ZBTB38: variants seen among roughly 807,000 people sequenced by gnomAD.
ZBTB38 encodes the protein zinc finger and BTB domain-containing protein 38.
A neutral mutation model predicts 76.8 loss-of-function variants in ZBTB38; 20 were observed. That is an observed-to-expected ratio of 0.26 (90% CI 0.18 to 0.38). The LOEUF (loss-of-function observed/expected upper bound fraction) is 0.38, where lower values mean the gene tolerates loss of function less well. Ranked by LOEUF, ZBTB38 falls within the 10% of genes least tolerant of loss-of-function variation. The pLI is 1.00. For synonymous variants in ZBTB38, 504 were observed against 544.2 expected (o/e 0.93, Z 1.03); for missense variants, 1,082 against 1,482.3 (o/e 0.73, Z 4.43).
chr3:141,410,437 T>C (rs1441488502), intron 5 of ZBTB38, among the ~76,000 whole-genome samples: 1 of 152,236 alleles, frequency 6.6e-6, no homozygotes, highest in Non-Finnish European at 1.5e-5. Context: ...GTCTTAGGAC[T>C]TGCTCAAGGC....
intron 3 of ZBTB38, chr3:141,386,316 G>A (rs963860892): frequency 1.3e-5 from 2 of 152,170 alleles, no homozygotes; most frequent in African/African-American, 4.8e-5. Flanking sequence ...CTGCTTCCAA[G>A]TTTTAAAAAA....
chr3:141,341,612 G>A (rs1225193335), intron 1 of ZBTB38, among the ~76,000 whole-genome samples: 3 of 152,232 alleles, frequency 2.0e-5, no homozygotes, highest in African/African-American at 7.2e-5. Context: ...GCAAAGGAAG[G>A]TCTGTGAAGA....
intron 5 of ZBTB38, among the ~76,000 whole-genome samples, chr3:141,419,613 G>A (rs1237584445): frequency 2.0e-5 from 3 of 152,148 alleles, no homozygotes; most frequent in African/African-American, 7.2e-5. Flanking sequence ...CTGAGCCTTG[G>A]TGTCCCATCT....
chr3:141,356,720 T>G (rs1559918797), intron 1 of ZBTB38, among the ~76,000 whole-genome samples: 1 of 151,816 alleles, frequency 6.6e-6, no homozygotes, highest in Non-Finnish European at 1.5e-5. Flanking sequence ...TATGGGCAAT[T>G]CTTAAATTCT....
rs1302598065 is a variant in ZBTB38 at position 141,447,647 on chromosome 3, A to G, written c.*1671A>G. ...ATTGGATTTGACAGATGGAAACCCA[A>G]GGTTATCGAAGATTGGAAGGTTATC... On this transcript the variant is annotated 3_prime_UTR_variant, in exon 6 of 6. Coordinates refer to ENST00000321464, the MANE Select transcript of ZBTB38 (RefSeq NM_001376113.1). The G allele has an allele frequency of 2.6e-5, 4 of 152,256 alleles. No homozygotes were observed. In the East Asian group the frequency reaches 7.7e-4, roughly 29 times the overall value. The allele number at this position is 152,256 out of a possible 1,614,324, so 9.4% of individuals were successfully genotyped here.
At chr3:141,328,936 C>T (rs1310173422) in intron 1 of ZBTB38, among the ~76,000 whole-genome samples, 1 of 152,222 alleles carries the variant, frequency 6.6e-6, no homozygotes, top group Admixed American at 6.5e-5. Context: ...TGGGAGCATT[C>T]CCTGAGCCCT....
chr3:141,410,897 C>A (rs1325577636), intron 5 of ZBTB38, among the ~76,000 whole-genome samples: 1 of 152,132 alleles, frequency 6.6e-6, no homozygotes, highest in East Asian at 1.9e-4. Flanking sequence ...AGTGTTCATA[C>A]CAGGATGCAT....
rs909037291 is a variant in ZBTB38 at position 141,413,043 on chromosome 3, A to C, written c.-1+9012A>C. Among the ~76,000 whole-genome samples, 3 of 152,160 alleles carry C rather than the reference A, an allele frequency of 2.0e-5. No individual in the cohort carries two copies. Among genetic ancestry groups the C allele is most frequent in the Admixed American group, 1.3e-4 (2 of 15,276 alleles). On this transcript the variant is annotated intron_variant, in intron 5 of 5. Coordinates refer to ENST00000321464, the MANE Select transcript of ZBTB38 (RefSeq NM_001376113.1). This position sits in a 1 kb window ranked among gnomAD's most constrained non-coding sequence, Gnocchi z 4.1. Reference sequence around the variant, plus strand: ...GGCCTGGCCTCCCTCCAGAGGTCGTAGTGTTGCCAGCAGTGGCTTCAAACT... The same window carrying C: ...GGCCTGGCCTCCCTCCAGAGGTCGTCGTGTTGCCAGCAGTGGCTTCAAACT...
chr3:141,427,115 T>A (rs1326031272), intron 5 of ZBTB38, among the ~76,000 whole-genome samples: 1 of 152,130 alleles, frequency 6.6e-6, no homozygotes, highest in Admixed American at 6.5e-5. Flanking sequence ...CAGTGCCAGG[T>A]ATGATAGGCT....
At chr3:141,328,478 C>A (rs912595972) in intron 1 of ZBTB38, among the ~76,000 whole-genome samples, 1 of 152,186 alleles carries the variant, frequency 6.6e-6, no homozygotes, top group African/African-American at 2.4e-5. Flanking sequence ...GAAACTCAAC[C>A]TGAACTTCTT....
At chr3:141,354,831 AGGT>A (rs1231839470) in intron 1 of ZBTB38, among the ~76,000 whole-genome samples, 3 of 152,106 alleles carry the variant, frequency 2.0e-5, no homozygotes, top group Non-Finnish European at 4.4e-5. Flanking sequence ...GTTGTTCCTC[AGGT>A]GATGGGCACT....
At chr3:141,353,412 A>T (rs1943576261) in intron 1 of ZBTB38, among the ~76,000 whole-genome samples, 1 of 152,168 alleles carries the variant, frequency 6.6e-6, no homozygotes, top group Non-Finnish European at 1.5e-5. Context: ...AAAGTAAAGA[A>T]TTCTAAAATT....
chr3:141,353,199 G>A (rs1236915181), intron 1 of ZBTB38, among the ~76,000 whole-genome samples: 2 of 152,000 alleles, frequency 1.3e-5, no homozygotes, highest in Admixed American at 1.3e-4. Context: ...CAATCTCTCT[G>A]TCTCTGTCAC....
rs755820732 is a variant in ZBTB38, at chr3:141,444,908, A to G, written c.2520A>G (p.Thr840=). ...ATGTTGCACCCCTTTGCCAAATAAC[A>G]GTGAAAATTGGAAACGAAGCCATTG... ...NSNVAPLCQI[T]VKIGNEAIVK... The change falls in exon 6 of 6, where the codon ACA becomes ACG. Residue 840 remains threonine (T), a synonymous_variant. Transcript: ENST00000321464. The surrounding 1 kb of genome is among the most constrained non-coding windows in gnomAD (Gnocchi z 5.1). 4.3e-6 allele frequency: 7 copies of G among 1,614,222 alleles called. No homozygotes were observed. Among genetic ancestry groups the G allele is most frequent in the South Asian group, 1.1e-5 (1 of 91,084 alleles).
intron 5 of ZBTB38, among the ~76,000 whole-genome samples, chr3:141,418,550 T>C (rs2074617497): frequency 6.6e-6 from 1 of 152,150 alleles, no homozygotes; most frequent in Admixed American, 6.5e-5. Context: ...GAGAGTGGGC[T>C]CCAGGAGGTT....
At chr3:141,325,234 C>T (rs1046912425) in intron 1 of ZBTB38, among the ~76,000 whole-genome samples, 35 of 152,134 alleles carry the variant, frequency 2.3e-4, no homozygotes, top group Non-Finnish European at 4.4e-4. Context: ...TAAAATTAAC[C>T]ACACAGTAAT....
chr3:141,420,308 A>G (rs577766438), intron 5 of ZBTB38, among the ~76,000 whole-genome samples: 1 of 152,204 alleles, frequency 6.6e-6, no homozygotes, highest in African/African-American at 2.4e-5. Context: ...AAGCTGAGAG[A>G]ATGTAATTGG....
rs115440692 is a variant in ZBTB38 at position 141,360,506 on chromosome 3, T to A, written c.-738-8115T>A. Among the ~76,000 whole-genome samples the A allele has an allele frequency of 2.4e-3, 358 of 152,284 alleles. 1 individual carries two copies. The highest frequency in any genetic ancestry group is 8.2e-3 in the African/African-American group (341 of 41,548). On this transcript the variant is annotated intron_variant, in intron 1 of 7. Transcript: ENST00000509842. ...TGGGGAGGCATGAGGGGATGGAAAA[T>A]CTTTTAATTATATTTTATTATATTA...
intron 2 of ZBTB38, among the ~76,000 whole-genome samples, chr3:141,377,446 G>C (rs76038976): frequency 1.4e-4 from 22 of 152,234 alleles, no homozygotes; most frequent in African/African-American, 4.1e-4. Context: ...AAAATACTGA[G>C]GTTACCAAAT....
Sources: allele counts gnomAD v4.1 joint callset (sites outside exome capture counted in the v4.1 genomes callset), GRCh38; gene constraint gnomAD v4.1.1; non-coding constraint Gnocchi (gnomAD v3.1); transcripts MANE v1.5; gene names NCBI Gene and HGNC (gene_info 2026-07-23, HGNC 2026-07-21).